The following ATP2B2 variants were observed in gnomAD, a reference collection of about 807,000 sequenced individuals.
ATP2B2 encodes plasma membrane calcium-transporting ATPase 2.
ATP2B2 carries 15 observed loss-of-function variants against 120.0 expected under a neutral mutation model. The ratio of observed to expected loss-of-function variants is 0.12; its 90% CI spans 0.08 to 0.19. ATP2B2 has a LOEUF of 0.19. Among genes scored for constraint, ATP2B2 ranks in the 10% least tolerant of loss-of-function variants. The pLI is 1.00. For synonymous variants in ATP2B2, 694 were observed against 700.3 expected, an observed-to-expected ratio of 0.99 and a Z score of 0.14; for missense variants, 1,045 against 1,719.8, an observed-to-expected ratio of 0.61 and a Z score of 6.94.
At chr3:10,500,312 A>G (rs1388970989) in intron 1 of ATP2B2, among the ~76,000 whole-genome samples, 2 of 152,026 alleles carry the variant, frequency 1.3e-5, no homozygotes, top group Non-Finnish European at 1.5e-5. Flanking sequence ...TGAAGAAGAG[A>G]TAAGACTGTG....
At chr3:10,388,210 C>G (rs530095539) in intron 6 of ATP2B2, 67 bp downstream of exon 6, 1 of 1,608,974 alleles carries the variant, frequency 6.2e-7, no homozygotes, top group Admixed American at 1.7e-5. Flanking sequence ...GTTGAGTGAA[C>G]AAATAAACAA....
At chr3:10,607,440 C>G (rs1180284526) in intron 2 of ATP2B2, among the ~76,000 whole-genome samples, 1 of 152,194 alleles carries the variant, frequency 6.6e-6, no homozygotes, top group African/African-American at 2.4e-5. Context: ...GGCAGAGTCC[C>G]TGGACTCCCT....
intron 14 of ATP2B2, among the ~76,000 whole-genome samples, chr3:10,356,882 G>C (rs548092671): frequency 2.0e-5 from 3 of 152,264 alleles, no homozygotes; most frequent in Admixed American, 2.0e-4. Flanking sequence ...AAGCTCCAGG[G>C]GCATTAATTG....
Position 10,375,395 on chromosome 3 carries a change from A to C in ATP2B2, c.1416+35T>G, listed in dbSNP as rs578019254. 6.4e-7 allele frequency: 1 copy of C among 1,566,698 alleles called. No homozygotes were observed. ...CCCCCAGGCCCTCAGCTGCAGCTGC[A>C]TCAGCCGGCTGGTCCTGCTCTCCTC... On this transcript the variant is annotated intron_variant, in intron 11 of 22. Coordinates refer to ENST00000360273, the MANE Select transcript of ATP2B2 (RefSeq NM_001001331.4). The surrounding 1 kb of genome is among the most constrained non-coding windows in gnomAD (Gnocchi z 4.2).
chr3:10,598,922 G>T (rs1371026693), intron 2 of ATP2B2, among the ~76,000 whole-genome samples: 1 of 152,218 alleles, frequency 6.6e-6, no homozygotes. Context: ...GATCTAATAA[G>T]ACGTTTATTT....
intron 2 of ATP2B2, among the ~76,000 whole-genome samples, chr3:10,582,997 T>C (rs894345474): frequency 6.6e-6 from 1 of 152,250 alleles, no homozygotes; most frequent in African/African-American, 2.4e-5. Flanking sequence ...TGAACTTCCA[T>C]GTCAGCAGCA....
intron 12 of ATP2B2, among the ~76,000 whole-genome samples, chr3:10,370,803 C>T (rs1281995876): frequency 6.6e-6 from 1 of 152,160 alleles, no homozygotes; most frequent in Non-Finnish European, 1.5e-5. Flanking sequence ...TAGCTGATCA[C>T]CCAGATGCTC....
chr3:10,491,991 G>A (rs1329402331), intron 1 of ATP2B2, among the ~76,000 whole-genome samples: 3 of 152,204 alleles, frequency 2.0e-5, no homozygotes, highest in African/African-American at 7.2e-5. Flanking sequence ...TCGACAGTGT[G>A]GTTACATCAG....
chr3:10,654,287 A>G (rs1481638844), intron 1 of ATP2B2, among the ~76,000 whole-genome samples: 1 of 152,046 alleles, frequency 6.6e-6, no homozygotes, highest in Admixed American at 6.6e-5. Context: ...TGTCCCCCAC[A>G]CTAGACTGTG....
chr3:10,546,421 A>T (rs1341377375), intron 2 of ATP2B2, among the ~76,000 whole-genome samples: 1 of 152,052 alleles, frequency 6.6e-6, no homozygotes, highest in Non-Finnish European at 1.5e-5. Flanking sequence ...CACCCTGCCC[A>T]GCCCCTCTGT....
At chr3:10,366,894 A>T (rs890648884) in intron 12 of ATP2B2, among the ~76,000 whole-genome samples, 1 of 152,236 alleles carries the variant, frequency 6.6e-6, no homozygotes, top group Non-Finnish European at 1.5e-5. Flanking sequence ...GATGATTCAC[A>T]CAGCTTCCCT....
chr3:10,507,892 C>T (rs756357442), upstream of ATP2B2, among the ~76,000 whole-genome samples: 62 of 139,898 alleles, frequency 4.4e-4, no homozygotes, highest in Middle Eastern at 3.7e-3. Context: ...AAACTTGTGA[C>T]GGAGGCCTCT....
In ATP2B2 at chr3:10,516,274, C is replaced by T. The variant is rs138943258; in HGVS notation, c.-320+17765G>A. On this transcript the variant is annotated intron_variant, in intron 3 of 21. Coordinates refer to the ATP2B2 transcript ENST00000646379. ...CTGGCCCCAGCCCCTGGGCCTCTGT[C>T]GGCTCTCATCCCAGTGCTGATAACC... is the stretch of plus-strand genomic sequence containing the variant. 4.7e-4 allele frequency among the ~76,000 whole-genome samples: 71 copies of T among 152,302 alleles called. 1 individual carries two copies. The highest frequency in any genetic ancestry group is 1.0e-3 in the Admixed American group (16 of 15,306).
chr3:10,534,898 GTTTTTTTTT>G (rs59467255), intron 2 of ATP2B2, among the ~76,000 whole-genome samples: 3 of 87,708 alleles, frequency 3.4e-5, no homozygotes, highest in African/African-American at 1.4e-4. Context: ...CATTTATTTG[GTTTTTTTTT>G]TTTTTTTTTT....
intron 2 of ATP2B2, among the ~76,000 whole-genome samples, chr3:10,543,305 T>C (rs978778479): frequency 2.6e-5 from 4 of 152,210 alleles, no homozygotes; most frequent in African/African-American, 9.6e-5. Context: ...TGAGCTTGAA[T>C]ACACTGAGCT....
intron 12 of ATP2B2, among the ~76,000 whole-genome samples, chr3:10,365,310 A>AG (rs2061012171): frequency 6.6e-6 from 1 of 152,234 alleles, no homozygotes; most frequent in Admixed American, 6.5e-5. Flanking sequence ...CAGTGAATCA[A>AG]TGAATAATTT....
intron 17 of ATP2B2, 115 bp downstream of exon 17, chr3:10,345,916 G>A (rs1002509746): frequency 1.8e-5 from 19 of 1,073,988 alleles, no homozygotes; most frequent in African/African-American, 1.2e-4. Flanking sequence ...GGGCACCCAC[G>A]GCAGATGGCG....
intron 3 of ATP2B2, among the ~76,000 whole-genome samples, chr3:10,527,653 C>A (rs2067124846): frequency 6.6e-6 from 1 of 152,246 alleles, no homozygotes; most frequent in African/African-American, 2.4e-5. Flanking sequence ...ACCTCCCCAC[C>A]ACTGCCCTGC....
In ATP2B2 at chr3:10,513,824, G is replaced by C. The variant is rs578191640; in HGVS notation, c.-320+20215C>G. On this transcript the variant is annotated intron_variant, in intron 3 of 21. Transcript: ENST00000646379. Reference sequence around the variant, plus strand: ...CTGTAGGCTCAGGACTCTCAATCCAGTGCTCCCTCCAGGGGCTGGGAAGTT... The same window carrying C: ...CTGTAGGCTCAGGACTCTCAATCCACTGCTCCCTCCAGGGGCTGGGAAGTT... Among the ~76,000 whole-genome samples the C allele has an allele frequency of 3.3e-5, 5 of 152,302 alleles. No homozygotes were observed. In the South Asian group the frequency reaches 1.0e-3, roughly 32 times the overall value.
Sources: allele counts gnomAD v4.1 joint callset (sites outside exome capture counted in the v4.1 genomes callset), GRCh38; gene constraint gnomAD v4.1.1; non-coding constraint Gnocchi (gnomAD v3.1); transcripts MANE v1.5; gene names NCBI Gene and HGNC (gene_info 2026-07-23, HGNC 2026-07-21).